EXOC4: variants seen among roughly 807,000 people sequenced by gnomAD.
EXOC4 encodes the protein SEC8-like 1.
Under a neutral mutation model 107.2 loss-of-function variants are expected in EXOC4, and 71 were observed. The observed-to-expected ratio is 0.66, with a 90% CI of 0.55 to 0.81. EXOC4 has a LOEUF of 0.81. EXOC4 is among the 30% of genes least tolerant of loss of function. The pLI, the probability that EXOC4 is intolerant of heterozygous loss-of-function variation, is 0.00. For synonymous variants in EXOC4, 456 were observed against 441.2 expected (o/e 1.03, Z -0.42); for missense variants, 1,108 against 1,189.6 (o/e 0.93, Z 1.01).
At chr7:133,337,822 G>A in intron 5 of EXOC4, among the ~76,000 whole-genome samples, 1 of 151,620 alleles carries the variant, frequency 6.6e-6, no homozygotes, top group African/African-American at 2.4e-5. Context: ...TATAGAAACA[G>A]GGTCTCCTTA....
chr7:133,843,023 G>C (rs1026114758), intron 11 of EXOC4, among the ~76,000 whole-genome samples: 4 of 152,066 alleles, frequency 2.6e-5, no homozygotes, highest in Admixed American at 1.3e-4. Context: ...CCATTGATCT[G>C]TGTGTCTGTT....
intron 6 of EXOC4, among the ~76,000 whole-genome samples, chr7:133,367,132 G>A (rs1796265308): frequency 6.6e-6 from 1 of 152,200 alleles, no homozygotes; most frequent in Non-Finnish European, 1.5e-5. Flanking sequence ...GTCATATTAA[G>A]TTAGCGGTCT....
chr7:133,514,505 A>C (rs756669243), intron 9 of EXOC4, among the ~76,000 whole-genome samples: 3 of 152,052 alleles, frequency 2.0e-5, no homozygotes, highest in Non-Finnish European at 4.4e-5. Flanking sequence ...CTTTTTCTCC[A>C]TGTAATTTCT....
intron 4 of EXOC4, chr7:133,315,516 G>C (rs1211225289): frequency 6.6e-6 from 1 of 152,132 alleles, no homozygotes; most frequent in Non-Finnish European, 1.5e-5. Flanking sequence ...TGAGTAAAAT[G>C]CAGGTGAAAG....
At chr7:133,817,982 C>T (rs1797415397) in intron 11 of EXOC4, among the ~76,000 whole-genome samples, 1 of 152,174 alleles carries the variant, frequency 6.6e-6, no homozygotes. Context: ...TTGGCTACCT[C>T]ACAGGGAATT....
At chr7:134,008,789 T>C (rs1563089746) in intron 17 of EXOC4, among the ~76,000 whole-genome samples, 2 of 95,802 alleles carry the variant, frequency 2.1e-5, no homozygotes, top group African/African-American at 1.0e-4. Context: ...CCACCATGCC[T>C]GGCTAATTTT....
chr7:134,085,037 T>C, the EXOC4 span, among the ~76,000 whole-genome samples: 2 of 152,146 alleles, frequency 1.3e-5, no homozygotes, highest in Non-Finnish European at 2.9e-5. Flanking sequence ...TGTATATGAG[T>C]GGTTGAAGTA....
intron 11 of EXOC4, among the ~76,000 whole-genome samples, chr7:133,866,153 T>TAA (rs1400601571): frequency 2.0e-5 from 3 of 152,232 alleles, no homozygotes; most frequent in South Asian, 2.1e-4. Flanking sequence ...CATATATATA[T>TAA]AATCTCATTT....
chr7:134,009,279 G>A (rs1794714244), intron 17 of EXOC4, among the ~76,000 whole-genome samples: 1 of 152,062 alleles, frequency 6.6e-6, no homozygotes. Flanking sequence ...AGAAGTGCAG[G>A]AAAATTTGAA....
At chr7:133,384,811 A>AT (rs68047320) in intron 7 of EXOC4, among the ~76,000 whole-genome samples, 14,239 of 132,416 alleles carry the variant, frequency 0.11, 889 homozygotes, top group Middle Eastern at 0.24. Flanking sequence ...AGTTCTTCTG[A>AT]TTTTTTTTTT....
rs753357541 is a variant in EXOC4, at chr7:133,939,066, A to T, written c.2206+997A>T. Among the ~76,000 whole-genome samples, 4 of 152,312 alleles carry T rather than the reference A, an allele frequency of 2.6e-5. No homozygotes were observed. In the South Asian group the frequency reaches 8.3e-4, roughly 32 times the overall value. ...CGTCCAGACCAAAAGACAGATTTAG[A>T]TGTGTGAATGGAGAGATAGAAACAG... is the stretch of plus-strand genomic sequence containing the variant. On this transcript the variant is annotated intron_variant, in intron 14 of 17. Transcript: ENST00000253861.
intron 10 of EXOC4, among the ~76,000 whole-genome samples, chr7:133,714,524 A>G (rs1794960852): frequency 6.6e-6 from 1 of 152,196 alleles, no homozygotes; most frequent in African/African-American, 2.4e-5. Flanking sequence ...AATGATTGTC[A>G]TAATATAATA....
intron 1 of EXOC4, among the ~76,000 whole-genome samples, chr7:133,255,522 CTT>C (rs1794997327): frequency 6.6e-6 from 1 of 152,150 alleles, no homozygotes; most frequent in Admixed American, 6.5e-5. Context: ...CTGCATAACA[CTT>C]TTGTGATATA....
rs1794267297 is a variant in EXOC4 at position 133,991,815 on chromosome 7, C to A, written c.2207-5677C>A. ...TATTCTGTTCCATTGGTCTATGTGT[C>A]TGTTTTTTATGCCAATACCATGCTG... On this transcript the variant is annotated intron_variant, in intron 14 of 17. Coordinates refer to ENST00000253861, the MANE Select transcript of EXOC4 (RefSeq NM_021807.4). 2.0e-5 allele frequency among the ~76,000 whole-genome samples: 3 copies of A among 152,044 alleles called. 1 individual carries two copies. The South Asian group carries it at 6.2e-4, about 32-fold the overall frequency.
At chr7:133,850,851 T>G (rs1798227322) in intron 11 of EXOC4, among the ~76,000 whole-genome samples, 1 of 152,204 alleles carries the variant, frequency 6.6e-6, no homozygotes, top group African/African-American at 2.4e-5. Flanking sequence ...CCTTCTAGTT[T>G]TGCCATCTGG....
intron 9 of EXOC4, among the ~76,000 whole-genome samples, chr7:133,538,857 A>AGAGAGAGAGAG (rs1563101091): frequency 1.4e-5 from 1 of 72,164 alleles, no homozygotes; most frequent in African/African-American, 5.4e-5. Context: ...GAAAGAAAGA[A>AGAGAGAGAGAG]AGAGAGAGAG....
At chr7:133,985,863 A>G (rs919786314) in intron 14 of EXOC4, among the ~76,000 whole-genome samples, 1 of 152,162 alleles carries the variant, frequency 6.6e-6, no homozygotes, top group Non-Finnish European at 1.5e-5. Flanking sequence ...CAGTTCCCTC[A>G]TTCTTATCCC....
intron 7 of EXOC4, among the ~76,000 whole-genome samples, chr7:133,449,288 C>T (rs1798287159): frequency 6.6e-6 from 1 of 152,048 alleles, no homozygotes; most frequent in Non-Finnish European, 1.5e-5. Flanking sequence ...CCTAGAGACC[C>T]CAGAGGGAGG....
chr7:133,638,482 CA>C (rs1350400747), intron 10 of EXOC4, among the ~76,000 whole-genome samples: 1 of 152,112 alleles, frequency 6.6e-6, no homozygotes, highest in African/African-American at 2.4e-5. Context: ...TTATCATTGG[CA>C]GAGTCAAGGA....
Sources: allele counts gnomAD v4.1 joint callset (sites outside exome capture counted in the v4.1 genomes callset), GRCh38; gene constraint gnomAD v4.1.1; transcripts MANE v1.5; gene names NCBI Gene and HGNC (gene_info 2026-07-23, HGNC 2026-07-21).